The following NCOA3 variants were observed in gnomAD, a reference collection of about 807,000 sequenced individuals.
NCOA3 encodes the protein nuclear receptor coactivator 3.
In NCOA3, 51 loss-of-function variants were observed where a neutral mutation model predicts 158.8. That is an observed-to-expected ratio of 0.32 (90% CI 0.26 to 0.41). NCOA3 has a LOEUF of 0.41. Ranked by LOEUF, NCOA3 falls within the 10% of genes least tolerant of loss-of-function variation. The pLI, the probability that NCOA3 is intolerant of heterozygous loss-of-function variation, is 1.00. For synonymous variants in NCOA3, 537 were observed against 592.4 expected (o/e 0.91, Z 1.36); for missense variants, 1,510 against 1,746.6 (o/e 0.86, Z 2.41).
At chr20:47,613,552 A>C (rs1382712191) in intron 2 of NCOA3, among the ~76,000 whole-genome samples, 1 of 151,900 alleles carries the variant, frequency 6.6e-6, no homozygotes, top group Non-Finnish European at 1.5e-5. Flanking sequence ...ATAGCAAATT[A>C]TCAGCCACAA....
intron 21 of NCOA3, 42 bp downstream of exon 21, chr20:47,652,622 C>T: frequency 6.4e-7 from 1 of 1,558,994 alleles, no homozygotes; most frequent in Non-Finnish European, 8.8e-7. Flanking sequence ...ATCCTAGTCC[C>T]AGAAGTCCAA....
chr20:47,600,969 A>G (rs914129015), intron 2 of NCOA3, among the ~76,000 whole-genome samples: 1 of 152,150 alleles, frequency 6.6e-6, no homozygotes, highest in Non-Finnish European at 1.5e-5. Context: ...TGATAATTGT[A>G]TTTTATTATT....
chr20:47,502,941 A>G (rs1489380991), intron 1 of NCOA3, among the ~76,000 whole-genome samples: 20 of 152,104 alleles, frequency 1.3e-4, no homozygotes, highest in Admixed American at 8.5e-4. Context: ...CACGGAAGCT[A>G]TGAGATTCTC....
intron 2 of NCOA3, among the ~76,000 whole-genome samples, chr20:47,618,872 A>G (rs1429001073): frequency 6.6e-6 from 1 of 152,206 alleles, no homozygotes; most frequent in East Asian, 1.9e-4. Context: ...GTTTAAACTG[A>G]TATTTGTGCT....
Position 47,655,169 on chromosome 20 carries a change from C to T in NCOA3, c.*1752C>T, listed in dbSNP as rs1215220885. ...TTTTAAACCCCTCCCTCTTCTGCCC[C>T]CTACCACTTTTCTGCTGTTGCCTCT... On this transcript the variant is annotated 3_prime_UTR_variant, in exon 23 of 23. Transcript: ENST00000371998. The T allele has an allele frequency of 6.6e-6, 1 of 152,242 alleles. No individual in the cohort carries two copies. Among genetic ancestry groups the T allele is most frequent in the Admixed American group, 6.5e-5 (1 of 15,274 alleles). The allele number at this position is 152,242 out of a possible 1,614,324, so 9.4% of individuals were successfully genotyped here.
In NCOA3 at chr20:47,501,930, C is replaced by CGG. The variant is rs1461178446; in HGVS notation, c.-187_-186dup. On this transcript the variant is annotated 5_prime_UTR_variant, in exon 1 of 23. Transcript: ENST00000371998. Reference sequence around the variant, plus strand: ...CGCTCCACAGCGACGGCAGCGGCTGCGGCTTAGTCGGTGGCGGCCGGCGGC... The same window carrying CGG: ...CGCTCCACAGCGACGGCAGCGGCTGCGGGGCTTAGTCGGTGGCGGCCGGCGGC... 1 of 400,510 alleles carries CGG rather than the reference C, an allele frequency of 2.5e-6. No individual in the cohort carries two copies. Among genetic ancestry groups the CGG allele is most frequent in the Non-Finnish European group, 4.4e-6 (1 of 227,492 alleles). The allele number at this position is 400,510 out of a possible 1,614,324, so 24.8% of individuals were successfully genotyped here. A position where few individuals can be genotyped will look rare whatever the true frequency, so the allele number is the denominator to read the frequency against.
rs1246126132 is a variant in NCOA3 at position 47,636,032 on chromosome 20, A to T, written c.1646A>T (p.Asp549Val). 1 of 1,614,026 alleles carries T rather than the reference A, an allele frequency of 6.2e-7. No individual in the cohort carries two copies. The highest frequency in any genetic ancestry group is 8.5e-7 in the Non-Finnish European group (1 of 1,180,024). Residue 549 changes from aspartate (D) to valine (V), a missense_variant, in exon 12 of 23, where the codon GAT becomes GTT. By Grantham distance (152) the Asp-to-Val change is radical (BLOSUM62 -3). Coordinates refer to ENST00000371998, the MANE Select transcript of NCOA3 (RefSeq NM_181659.3). ...CTGTCATCACCAGGCCCCAAATTGG[A>T]TAACTCTCCCAATATGAATATTACC... ...STLSSPGPKL[D>V]NSPNMNITQP...
At chr20:47,505,929 C>G (rs568255056) in intron 1 of NCOA3, among the ~76,000 whole-genome samples, 1 of 151,776 alleles carries the variant, frequency 6.6e-6, no homozygotes, top group Non-Finnish European at 1.5e-5. Flanking sequence ...AGCCCCTGCC[C>G]GAGTAGCTGG....
At chr20:47,641,367 G>A (rs945953137) in intron 16 of NCOA3, among the ~76,000 whole-genome samples, 4 of 133,602 alleles carry the variant, frequency 3.0e-5, no homozygotes, top group Non-Finnish European at 3.1e-5. Flanking sequence ...TGGCTCTGTC[G>A]CCCAGGCTGG....
Position 47,528,725 on chromosome 20 carries a change from A to G in NCOA3, c.-99+26706A>G, listed in dbSNP as rs1022523522. Among the ~76,000 whole-genome samples the G allele has an allele frequency of 5.3e-5, 8 of 152,232 alleles. 1 individual carries two copies. Among genetic ancestry groups the G allele is most frequent in the African/African-American group, 1.9e-4 (8 of 41,466 alleles). Reference sequence around the variant, plus strand: ...GATATTTGTCACATTTAGCAATTATATTAAATTATTGTAACACTATATTAC... The same window carrying G: ...GATATTTGTCACATTTAGCAATTATGTTAAATTATTGTAACACTATATTAC... On this transcript the variant is annotated intron_variant, in intron 1 of 22. Coordinates refer to ENST00000371998, the MANE Select transcript of NCOA3 (RefSeq NM_181659.3).
intron 1 of NCOA3, among the ~76,000 whole-genome samples, chr20:47,574,480 A>G: frequency 6.8e-6 from 1 of 147,696 alleles, no homozygotes; most frequent in South Asian, 2.1e-4. Context: ...GCTACTATGT[A>G]TATTTTGATT....
chr20:47,623,110 G>A (rs2086267635), intron 3 of NCOA3: 3 of 152,170 alleles, frequency 2.0e-5, no homozygotes, highest in African/African-American at 7.2e-5. Flanking sequence ...CAAGTGAAAT[G>A]AGAAGCTTAA....
At chr20:47,543,727 C>G (rs142330356) in intron 1 of NCOA3, among the ~76,000 whole-genome samples, 2,583 of 152,198 alleles carry the variant, frequency 0.017, 75 homozygotes, top group African/African-American at 0.059. Context: ...CCAGGCTGGT[C>G]TCGAATTCCT....
intron 1 of NCOA3, among the ~76,000 whole-genome samples, chr20:47,552,729 C>T (rs2084942626): frequency 6.6e-6 from 1 of 152,034 alleles, no homozygotes; most frequent in African/African-American, 2.4e-5. Context: ...AACCAGTTTT[C>T]AATAAAGGAA....
intron 1 of NCOA3, among the ~76,000 whole-genome samples, chr20:47,563,790 G>A (rs1470754079): frequency 6.6e-6 from 1 of 151,160 alleles, no homozygotes; most frequent in Non-Finnish European, 1.5e-5. Flanking sequence ...TCAGGAAGCT[G>A]AGGCACGAGA....
At chr20:47,517,111 G>A (rs186440455) in intron 1 of NCOA3, among the ~76,000 whole-genome samples, 2 of 152,206 alleles carry the variant, frequency 1.3e-5, no homozygotes, top group African/African-American at 4.8e-5. Flanking sequence ...CCAGCTACTC[G>A]GGAGGCTGAG....
intron 2 of NCOA3, among the ~76,000 whole-genome samples, chr20:47,585,014 GC>G (rs1226021254): frequency 2.0e-5 from 3 of 148,120 alleles, no homozygotes; most frequent in Non-Finnish European, 4.4e-5. Flanking sequence ...GCTTGTGCTG[GC>G]AAATAACATT....
At chr20:47,535,957 A>T (rs1373838366) in intron 1 of NCOA3, among the ~76,000 whole-genome samples, 1 of 151,976 alleles carries the variant, frequency 6.6e-6, no homozygotes, top group Non-Finnish European at 1.5e-5. Context: ...ATTCTGCATC[A>T]ACTTAAATGT....
At chr20:47,586,111 G>C (rs6090702) in intron 2 of NCOA3, among the ~76,000 whole-genome samples, 3 of 151,952 alleles carry the variant, frequency 2.0e-5, no homozygotes, top group Non-Finnish European at 2.9e-5. Context: ...TAGAGACGGG[G>C]TTTCACCATG....
Sources: gnomAD v4.1 joint callset for allele counts (sites outside exome capture counted in the v4.1 genomes callset) on GRCh38, gnomAD v4.1.1 for gene constraint, MANE v1.5 for transcripts, NCBI Gene and HGNC (gene_info 2026-07-23, HGNC 2026-07-21) for gene names.